The following MOB3B variants were observed in gnomAD, a reference collection of about 807,000 sequenced individuals.
MOB3B encodes the protein MOB kinase activator 3B, also known as MOB kinase activator-like 2B.
Under a neutral mutation model 18.7 loss-of-function variants are expected in MOB3B, and 7 were observed. That is an observed-to-expected ratio of 0.37 (90% CI 0.21 to 0.70). MOB3B has a LOEUF of 0.70. Ranked by LOEUF, MOB3B falls within the 30% of genes least tolerant of loss-of-function variation. MOB3B has a pLI of 0.52. For missense variants in MOB3B, 253 were observed against 281.3 expected (o/e 0.90, Z 0.72); for synonymous variants, 111 against 99.9 (o/e 1.11, Z -0.66).
At chr9:27,451,484 C>T (rs4879507) in intron 2 of MOB3B, among the ~76,000 whole-genome samples, 28,994 of 152,128 alleles carry the variant, frequency 0.19, 3,028 homozygotes, top group Middle Eastern at 0.24. Context: ...CTAGTTAAGA[C>T]TGAATCTAGG....
intron 2 of MOB3B, among the ~76,000 whole-genome samples, chr9:27,419,162 C>A (rs1267621298): frequency 6.6e-6 from 1 of 151,698 alleles, no homozygotes; most frequent in Non-Finnish European, 1.5e-5. Flanking sequence ...ATAGATGACA[C>A]AAACATATGG....
intron 2 of MOB3B, among the ~76,000 whole-genome samples, chr9:27,365,472 A>C (rs886236668): frequency 6.7e-6 from 1 of 149,226 alleles, no homozygotes; most frequent in African/African-American, 2.5e-5. Context: ...AATAGATTGT[A>C]TATCTTAAGG....
chr9:27,443,512 C>T (rs1822627331), intron 2 of MOB3B, among the ~76,000 whole-genome samples: 1 of 152,154 alleles, frequency 6.6e-6, no homozygotes, highest in Non-Finnish European at 1.5e-5. Context: ...TCTTAAATAT[C>T]AGGATTTAGT....
Position 27,480,063 on chromosome 9 carries a change from A to AT in MOB3B, c.-198-24316_-198-24315insA, listed in dbSNP as rs1203963534. The stretch of plus-strand genomic sequence containing the variant: ...CAGAGCAAGATACTGTCTCTTTAAA[A>AT]AAAAAAAAAAAAGGCTAAGCATTCA... On this transcript the variant is annotated intron_variant, in intron 1 of 3. Coordinates refer to ENST00000262244, the MANE Select transcript of MOB3B (RefSeq NM_024761.5). 2.6e-4 allele frequency among the ~76,000 whole-genome samples: 39 copies of AT among 152,016 alleles called. 1 individual carries two copies. The highest frequency in any genetic ancestry group is 4.4e-4 in the Non-Finnish European group (30 of 67,936).
intron 2 of MOB3B, among the ~76,000 whole-genome samples, chr9:27,401,905 G>C (rs1487407475): frequency 6.6e-6 from 1 of 152,086 alleles, no homozygotes; most frequent in Non-Finnish European, 1.5e-5. Flanking sequence ...ATACTAGGTG[G>C]GTATTATGCT....
At chr9:27,523,556 C>T (rs1427867140) in intron 1 of MOB3B, among the ~76,000 whole-genome samples, 1 of 151,904 alleles carries the variant, frequency 6.6e-6, no homozygotes, top group Non-Finnish European at 1.5e-5. Context: ...AAAACCCCCT[C>T]CAGGACTTTT....
intron 1 of MOB3B, among the ~76,000 whole-genome samples, chr9:27,472,555 T>G (rs1362423059): frequency 6.6e-6 from 1 of 151,952 alleles, no homozygotes; most frequent in East Asian, 1.9e-4. Context: ...CTAAGAAATC[T>G]GAAGAGGAAA....
chr9:27,524,111 A>G (rs1477050759), intron 1 of MOB3B, among the ~76,000 whole-genome samples: 5 of 151,270 alleles, frequency 3.3e-5, no homozygotes, highest in Non-Finnish European at 7.4e-5. Context: ...AGGGAAAAAA[A>G]AAAGTTATCA....
chr9:27,498,201 G>T (rs1025512260), intron 1 of MOB3B, among the ~76,000 whole-genome samples: 1 of 152,098 alleles, frequency 6.6e-6, no homozygotes, highest in African/African-American at 2.4e-5. Context: ...AAAATAAAAG[G>T]CCACTATGTT....
chr9:27,435,378 T>C (rs1822483801), intron 2 of MOB3B, among the ~76,000 whole-genome samples: 1 of 152,134 alleles, frequency 6.6e-6, no homozygotes, highest in Admixed American at 6.6e-5. Flanking sequence ...TGTGTGTGTA[T>C]GTGTGTGTTT....
chr9:27,370,494 G>A (rs1381635108), intron 2 of MOB3B, among the ~76,000 whole-genome samples: 2 of 141,674 alleles, frequency 1.4e-5, no homozygotes, highest in East Asian at 2.1e-4. Context: ...GGCAACAAGA[G>A]TGAAACTCCA....
At chr9:27,452,181 C>G (rs1822800443) in intron 2 of MOB3B, among the ~76,000 whole-genome samples, 1 of 151,596 alleles carries the variant, frequency 6.6e-6, no homozygotes, top group South Asian at 2.1e-4. Context: ...ATTATTTTTC[C>G]ATCCAAACAT....
In MOB3B at chr9:27,396,361, T is replaced by C. The variant is rs568728307; in HGVS notation, c.419-37125A>G. The stretch of plus-strand genomic sequence containing the variant: ...ACTGCTCCCTCAGTCACTGGGGCTC[T>C]GGCAAGTTTGCCAATCGGTTATCCC... On this transcript the variant is annotated intron_variant, in intron 2 of 3. Transcript: ENST00000262244. 1.4e-4 allele frequency among the ~76,000 whole-genome samples: 22 copies of C among 152,290 alleles called. No homozygotes were observed. In the East Asian group the frequency reaches 4.1e-3, roughly 28 times the overall value.
chr9:27,520,253 T>A (rs1241310151), intron 1 of MOB3B, among the ~76,000 whole-genome samples: 1 of 152,138 alleles, frequency 6.6e-6, no homozygotes, highest in Non-Finnish European at 1.5e-5. Flanking sequence ...AATCTCATAA[T>A]CCACATAGAC....
intron 2 of MOB3B, among the ~76,000 whole-genome samples, chr9:27,403,516 A>ATT (rs74178385): frequency 0.059 from 4,674 of 79,328 alleles, 358 homozygotes; most frequent in African/African-American, 0.065. Flanking sequence ...CTCTTTACTA[A>ATT]TTTTTTTTTT....
chr9:27,336,836 T>C (rs1820871297), intron 3 of MOB3B, among the ~76,000 whole-genome samples: 1 of 152,060 alleles, frequency 6.6e-6, no homozygotes, highest in Non-Finnish European at 1.5e-5. Flanking sequence ...GAGAGATTCA[T>C]CTCCCCCAGC....
chr9:27,432,719 CTT>C (rs1258199049), intron 2 of MOB3B, among the ~76,000 whole-genome samples: 3 of 152,154 alleles, frequency 2.0e-5, no homozygotes, highest in Non-Finnish European at 4.4e-5. Flanking sequence ...GAGATCCTGA[CTT>C]TGAAATAATG....
intron 2 of MOB3B, among the ~76,000 whole-genome samples, chr9:27,393,463 C>T (rs992773848): frequency 6.6e-5 from 10 of 151,676 alleles, no homozygotes; most frequent in African/African-American, 2.4e-4. Flanking sequence ...TTGTGGAACT[C>T]GAAGGACACC....
chr9:27,481,515 TTTTTG>T (rs1563879353), intron 1 of MOB3B, among the ~76,000 whole-genome samples: 5 of 135,762 alleles, frequency 3.7e-5, no homozygotes, highest in Non-Finnish European at 6.4e-5. Flanking sequence ...TTTTTTGTTT[TTTTTG>T]TTTTTTTTTT....
Sources: gnomAD v4.1 joint callset for allele counts (sites outside exome capture counted in the v4.1 genomes callset) on GRCh38, gnomAD v4.1.1 for gene constraint, MANE v1.5 for transcripts, NCBI Gene and HGNC (gene_info 2026-07-23, HGNC 2026-07-21) for gene names.